The following PLCG2 variants were observed in gnomAD, a reference collection of about 807,000 sequenced individuals.
The protein encoded by PLCG2 is 1-phosphatidylinositol 4,5-bisphosphate phosphodiesterase gamma-2.
PLCG2 carries 69 observed loss-of-function variants against 175.6 expected under a neutral mutation model. The ratio of observed to expected loss-of-function variants is 0.39; its 90% CI spans 0.32 to 0.48. PLCG2 has a LOEUF of 0.48. PLCG2 is among the 20% of genes least tolerant of loss of function. The probability of loss-of-function intolerance (pLI) is 0.91; values close to 1 mark genes in which losing one functional copy is unlikely to be tolerated. For missense variants in PLCG2, 1,798 were observed against 1,650.9 expected, an observed-to-expected ratio of 1.09 and a Z score of -1.54; for synonymous variants, 827 against 624.0, an observed-to-expected ratio of 1.33 and a Z score of -4.85.
At chr16:81,865,259 G>C (rs561413660) in intron 5 of PLCG2, among the ~76,000 whole-genome samples, 13 of 152,320 alleles carry the variant, frequency 8.5e-5, no homozygotes, top group African/African-American at 3.1e-4. Flanking sequence ...ATGGCAGGTT[G>C]CAGAGAGGGG....
At chr16:81,934,290 G>A in intron 25 of PLCG2, 139 bp from the exon 26 acceptor site, 1 of 626,098 alleles carries the variant, frequency 1.6e-6, no homozygotes, top group African/African-American at 1.8e-5. Context: ...GTTGTCTTCA[G>A]GAAAGGAAAA....
In PLCG2 at chr16:81,960,425, C is replaced by A. The variant is rs1597159535; in HGVS notation, c.*2427C>A. On this transcript the variant is annotated 3_prime_UTR_variant, in exon 33 of 33. Transcript: ENST00000564138. ...CAAAACCACCACTGCATATGTATTA[C>A]ACTGTTTTTGTTCACCATTTTCCTA... 2.6e-5 allele frequency: 6 copies of A among 226,622 alleles called. No individual in the cohort carries two copies. In the East Asian group the frequency reaches 3.8e-4, roughly 14 times the overall value. 14.0% of individuals were successfully genotyped at this position (226,622 alleles called of 1,614,324 possible).
Position 81,936,214 on chromosome 16 carries a change from C to G in PLCG2, c.2888C>G (p.Ala963Gly). The G allele has an allele frequency of 6.2e-7, 1 of 1,614,180 alleles. No homozygotes were observed. Among genetic ancestry groups the G allele is most frequent in the Non-Finnish European group, 8.5e-7 (1 of 1,180,038 alleles). ...ATCCGCTCCTTTGTGGAGACGAAGGCTGACAGCATCATCAGACAGAAGCCC... is the reference window on the plus strand; with the variant it reads ...ATCCGCTCCTTTGTGGAGACGAAGGGTGACAGCATCATCAGACAGAAGCCC... ...REIRSFVETK[A>G]DSIIRQKPVD... Residue 963 changes from alanine (A) to glycine (G), a missense_variant, in exon 27 of 33, where the codon GCT becomes GGT. Coordinates refer to ENST00000564138, the MANE Select transcript of PLCG2 (RefSeq NM_002661.5).
chr16:81,944,195 G>T (rs996273311), intron 30 of PLCG2, among the ~76,000 whole-genome samples: 1 of 152,130 alleles, frequency 6.6e-6, no homozygotes, highest in African/African-American at 2.4e-5. Flanking sequence ...ACTTTGAATT[G>T]TATACATAAA....
At chr16:81,741,168 G>C (rs1460413671) in intron 1 of PLCG2, among the ~76,000 whole-genome samples, 1 of 151,996 alleles carries the variant, frequency 6.6e-6, no homozygotes, top group Non-Finnish European at 1.5e-5. Context: ...GGTCCTCCAG[G>C]TCTGATGTGA....
intron 2 of PLCG2, among the ~76,000 whole-genome samples, chr16:81,849,710 G>A (rs1003032840): frequency 1.4e-5 from 2 of 139,230 alleles, no homozygotes; most frequent in East Asian, 4.4e-4. Context: ...GGCGGAGGTT[G>A]CACTGAGCCA....
intron 2 of PLCG2, among the ~76,000 whole-genome samples, chr16:81,816,706 T>C (rs1014344441): frequency 6.8e-6 from 1 of 146,852 alleles, no homozygotes; most frequent in Non-Finnish European, 1.5e-5. Flanking sequence ...CTCACTATGT[T>C]GTCTAGGCTG....
chr16:81,864,875 T>C (rs1431588360), intron 5 of PLCG2, among the ~76,000 whole-genome samples: 3 of 152,064 alleles, frequency 2.0e-5, no homozygotes, highest in African/African-American at 7.2e-5. Flanking sequence ...CTGTCTGCCA[T>C]GGGAGAGGGA....
intron 14 of PLCG2, among the ~76,000 whole-genome samples, chr16:81,902,762 A>T (rs1567524408): frequency 6.6e-6 from 1 of 152,186 alleles, no homozygotes; most frequent in Non-Finnish European, 1.5e-5. Context: ...TGGGTAATTT[A>T]TAAAGGAAAG....
chr16:81,909,131 A>G (rs990632839), intron 17 of PLCG2, among the ~76,000 whole-genome samples: 21 of 152,372 alleles, frequency 1.4e-4, no homozygotes, highest in South Asian at 1.0e-3. Flanking sequence ...TAGACACAGT[A>G]CTTATGCCAG....
chr16:81,877,857 C>G (rs578157647), intron 7 of PLCG2, among the ~76,000 whole-genome samples: 29 of 151,796 alleles, frequency 1.9e-4, no homozygotes, highest in African/African-American at 7.0e-4. Flanking sequence ...TTGTAGATGT[C>G]ATTGCATCGC....
At chr16:81,772,105 G>A (rs1252935971) in intron 2 of PLCG2, among the ~76,000 whole-genome samples, 2 of 152,168 alleles carry the variant, frequency 1.3e-5, no homozygotes, top group African/African-American at 2.4e-5. Flanking sequence ...CTTTATGGAG[G>A]TAATTAAGTT....
At chr16:81,880,236 C>G (rs1597370127) in intron 7 of PLCG2, among the ~76,000 whole-genome samples, 1 of 152,196 alleles carries the variant, frequency 6.6e-6, no homozygotes, top group Non-Finnish European at 1.5e-5. Context: ...GAGACCCCAT[C>G]TCTAAAGAAA....
At chr16:81,765,201 G>T (rs1910121579) in intron 2 of PLCG2, among the ~76,000 whole-genome samples, 1 of 152,388 alleles carries the variant, frequency 6.6e-6, no homozygotes, top group Non-Finnish European at 1.5e-5. Flanking sequence ...GCGACACACA[G>T]GGAGAGCACC....
chr16:81,922,236 A>T (rs371292526), intron 21 of PLCG2, among the ~76,000 whole-genome samples: 1 of 152,208 alleles, frequency 6.6e-6, no homozygotes, highest in African/African-American at 2.4e-5. Flanking sequence ...CTTATGAAAC[A>T]TCATGCACTA....
chr16:81,804,101 T>A (rs778316667), intron 2 of PLCG2, among the ~76,000 whole-genome samples: 6 of 152,256 alleles, frequency 3.9e-5, no homozygotes, highest in Non-Finnish European at 7.3e-5. Context: ...TATCTGTAAC[T>A]GTTTAATCAC....
At chr16:81,826,876 C>G (rs1296275512) in intron 2 of PLCG2, among the ~76,000 whole-genome samples, 1 of 150,174 alleles carries the variant, frequency 6.7e-6, no homozygotes, top group African/African-American at 2.5e-5. Context: ...TTAAAAAGTT[C>G]TTCTTCTGTA....
At chr16:81,825,444 C>T (rs1290289347) in intron 2 of PLCG2, among the ~76,000 whole-genome samples, 1 of 151,922 alleles carries the variant, frequency 6.6e-6, no homozygotes, top group Non-Finnish European at 1.5e-5. Context: ...ATGGCATGCG[C>T]CAGCACACCT....
At chr16:81,802,194 G>T (rs1205035527) in intron 2 of PLCG2, among the ~76,000 whole-genome samples, 2 of 128,750 alleles carry the variant, frequency 1.6e-5, no homozygotes, top group Non-Finnish European at 3.1e-5. Context: ...CTCACTGCAA[G>T]CTCCGCCTCC....
Sources: gnomAD v4.1 joint callset for allele counts (sites outside exome capture counted in the v4.1 genomes callset) on GRCh38, gnomAD v4.1.1 for gene constraint, MANE v1.5 for transcripts, NCBI Gene and HGNC (gene_info 2026-07-23, HGNC 2026-07-21) for gene names.